NOD1: variants seen among roughly 807,000 people sequenced by gnomAD.
The protein encoded by NOD1 is nucleotide-binding oligomerization domain-containing protein 1.
In NOD1, 70 loss-of-function variants were observed where a neutral mutation model predicts 81.2. The ratio of observed to expected loss-of-function variants is 0.86; its 90% CI spans 0.71 to 1.05. The LOEUF is 1.05. Among genes scored for constraint, NOD1 ranks in the 50% least tolerant of loss-of-function variants. The probability of loss-of-function intolerance (pLI) is 0.00; values close to 1 mark genes in which losing one functional copy is unlikely to be tolerated. For missense variants in NOD1, 1,233 were observed against 1,228.0 expected, an observed-to-expected ratio of 1.00 and a Z score of -0.06; for synonymous variants, 508 against 526.9, an observed-to-expected ratio of 0.96 and a Z score of 0.49.
chr7:30,445,890 T>C (rs570801325), intron 9 of NOD1, among the ~76,000 whole-genome samples: 1 of 149,646 alleles, frequency 6.7e-6, no homozygotes, highest in Non-Finnish European at 1.5e-5. Context: ...TTACATGAGG[T>C]AGAGTAGTCA....
chr7:30,468,098 C>T (rs373615612), intron 1 of NOD1, among the ~76,000 whole-genome samples: 28 of 152,222 alleles, frequency 1.8e-4, no homozygotes, highest in African/African-American at 6.5e-4. Context: ...AATAATCAGT[C>T]CCCACAAAAA....
chr7:30,470,459 G>A (rs1788164507), intron 1 of NOD1, among the ~76,000 whole-genome samples: 1 of 152,234 alleles, frequency 6.6e-6, no homozygotes, highest in South Asian at 2.1e-4. Context: ...CTGGCCGGGT[G>A]CACTGCGTAT....
chr7:30,453,181 C>T, intron 5 of NOD1, 141 bp from the exon 6 acceptor site: 1 of 845,382 alleles, frequency 1.2e-6, no homozygotes, highest in South Asian at 1.8e-5. Flanking sequence ...GCAGCCACTC[C>T]TCAGATGCAG....
intron 13 of NOD1, among the ~76,000 whole-genome samples, chr7:30,427,170 C>T (rs908279780): frequency 1.3e-5 from 2 of 152,056 alleles, no homozygotes; most frequent in Non-Finnish European, 2.9e-5. Context: ...TGACTCAGGC[C>T]CCACCCTCCC....
chr7:30,437,977 G>C (rs1252155971), intron 9 of NOD1, among the ~76,000 whole-genome samples: 1 of 152,224 alleles, frequency 6.6e-6, no homozygotes, highest in Non-Finnish European at 1.5e-5. Flanking sequence ...GAGCTCATGA[G>C]AGAAAGCACC....
intron 1 of NOD1, among the ~76,000 whole-genome samples, chr7:30,472,384 C>G (rs1204395260): frequency 6.6e-6 from 1 of 152,238 alleles, no homozygotes; most frequent in Non-Finnish European, 1.5e-5. Flanking sequence ...ATCCCAAGTC[C>G]TAGTTGAAAA....
intron 12 of NOD1, among the ~76,000 whole-genome samples, chr7:30,432,699 T>C (rs773399586): frequency 3.3e-5 from 5 of 152,212 alleles, no homozygotes; most frequent in Admixed American, 1.3e-4. Flanking sequence ...AAATGTCCCA[T>C]CAACTGATTA....
intron 9 of NOD1, among the ~76,000 whole-genome samples, chr7:30,445,633 C>T (rs532354944): frequency 4.9e-4 from 75 of 151,666 alleles, no homozygotes; most frequent in African/African-American, 1.7e-3. Context: ...GTGGCGGGTG[C>T]CTATAATCCC....
At chr7:30,438,771 T>C (rs762163205) in intron 9 of NOD1, among the ~76,000 whole-genome samples, 12 of 152,214 alleles carry the variant, frequency 7.9e-5, no homozygotes, top group Non-Finnish European at 1.2e-4. Context: ...GAAGGATACA[T>C]ATAGTCTCAC....
chr7:30,451,919 C>T lies in NOD1; in HGVS notation c.1498G>A (p.Ala500Thr), dbSNP rs779764703. 3.7e-6 allele frequency: 6 copies of T among 1,613,438 alleles called. No individual in the cohort carries two copies. In the African/African-American group the frequency reaches 6.7e-5, roughly 18 times the overall value. The part of the protein sequence containing the change: ...ERDMQLGFLR[A>T]LPELGPGGDQ... Reference sequence around the variant, plus strand: ...CCCCCGGGGCCCAGCTCCGGCAAAGCCCGCAGGAAGCCCAGCTGCATGTCT... The same window carrying T: ...CCCCCGGGGCCCAGCTCCGGCAAAGTCCGCAGGAAGCCCAGCTGCATGTCT... The change falls in exon 6 of 14, where the codon GCT (alanine) becomes ACT (threonine). Residue 500 changes from alanine to threonine, a missense_variant. Coordinates refer to ENST00000222823, the MANE Select transcript of NOD1 (RefSeq NM_006092.4). The surrounding 1 kb of genome is among the most constrained non-coding windows in gnomAD (Gnocchi z 4.2).
At chr7:30,465,579 T>A (rs931976775) in intron 1 of NOD1, among the ~76,000 whole-genome samples, 1 of 151,982 alleles carries the variant, frequency 6.6e-6, no homozygotes, top group South Asian at 2.1e-4. Flanking sequence ...CTCAAGAAAG[T>A]CATTTCCCAT....
At chr7:30,449,945 C>T (rs1204592362) in intron 6 of NOD1, among the ~76,000 whole-genome samples, 1 of 152,156 alleles carries the variant, frequency 6.6e-6, no homozygotes, top group Non-Finnish European at 1.5e-5. Context: ...GTAACCCCAA[C>T]ATTTTGGAAG....
intron 11 of NOD1, among the ~76,000 whole-genome samples, chr7:30,433,598 T>A (rs1353177551): frequency 6.6e-6 from 1 of 152,228 alleles, no homozygotes; most frequent in Non-Finnish European, 1.5e-5. Context: ...AGTCACTGAC[T>A]GCACATTAAA....
intron 13 of NOD1, among the ~76,000 whole-genome samples, chr7:30,426,015 C>T (rs991343058): frequency 2.0e-5 from 3 of 152,114 alleles, no homozygotes; most frequent in Non-Finnish European, 2.9e-5. Flanking sequence ...GACCTCTCCT[C>T]TCCCTCCTTC....
At chr7:30,432,460 G>A (rs1450547378) in intron 12 of NOD1, among the ~76,000 whole-genome samples, 2 of 152,226 alleles carry the variant, frequency 1.3e-5, no homozygotes, top group Non-Finnish European at 2.9e-5. Context: ...TGGTGAGGAT[G>A]TGGAGAAATT....
chr7:30,437,495 G>A lies in NOD1; in HGVS notation c.2537+78C>T, dbSNP rs1229717277. 7 of 906,750 alleles carry A rather than the reference G, an allele frequency of 7.7e-6. No individual in the cohort carries two copies. In the South Asian group the frequency reaches 9.4e-5, roughly 12 times the overall value. 56.2% of individuals were successfully genotyped at this position (906,750 alleles called of 1,614,324 possible). The stretch of plus-strand genomic sequence containing the variant: ...CAAATTCCTCTTCTATTAGGAGCAC[G>A]AATCACCCTTCCCCAGCAAACCTAG... On this transcript the variant is annotated intron_variant, in intron 10 of 13. Coordinates refer to ENST00000222823, the MANE Select transcript of NOD1 (RefSeq NM_006092.4).
chr7:30,437,725 G>A, intron 9 of NOD1, 69 bp from the exon 10 acceptor site: 2 of 1,129,474 alleles, frequency 1.8e-6, no homozygotes, highest in Non-Finnish European at 2.5e-6. Flanking sequence ...CTCCTTTTTT[G>A]CCAATGGCCA....
chr7:30,446,608 T>C, intron 8 of NOD1: 1 of 386,720 alleles, frequency 2.6e-6, no homozygotes, highest in Non-Finnish European at 4.7e-6. Context: ...CCTGGCGCAC[T>C]GTCACCCCCT....
intron 4 of NOD1, among the ~76,000 whole-genome samples, chr7:30,456,206 T>C (rs1050547607): frequency 2.6e-5 from 4 of 152,162 alleles, no homozygotes; most frequent in African/African-American, 7.2e-5. Context: ...ATTTGTGGTC[T>C]CCATTTTATT....
Sources: allele counts gnomAD v4.1 joint callset (sites outside exome capture counted in the v4.1 genomes callset), GRCh38; gene constraint gnomAD v4.1.1; non-coding constraint Gnocchi (gnomAD v3.1); transcripts MANE v1.5; gene names NCBI Gene and HGNC (gene_info 2026-07-23, HGNC 2026-07-21).